DCC: variants seen among roughly 807,000 people sequenced by gnomAD.
The protein encoded by DCC is DCC netrin 1 receptor.
A neutral mutation model predicts 172.5 loss-of-function variants in DCC; 58 were observed. The observed-to-expected ratio is 0.34, with a 90% CI of 0.27 to 0.42. The LOEUF (loss-of-function observed/expected upper bound fraction) is 0.42, where lower values mean the gene tolerates loss of function less well. Among genes scored for constraint, DCC ranks in the 10% least tolerant of loss-of-function variants. The pLI is 1.00. For missense variants in DCC, 1,740 were observed against 1,791.0 expected, an observed-to-expected ratio of 0.97 and a Z score of 0.51; for synonymous variants, 709 against 644.5, an observed-to-expected ratio of 1.10 and a Z score of -1.52.
At chr18:53,021,833 A>C (rs559909552) in intron 5 of DCC, among the ~76,000 whole-genome samples, 1 of 152,322 alleles carries the variant, frequency 6.6e-6, no homozygotes, top group East Asian at 1.9e-4. Flanking sequence ...GGAAAACCTT[A>C]ATTAGTATTT....
chr18:52,522,658 C>A (rs1245744923), intron 1 of DCC, among the ~76,000 whole-genome samples: 1 of 152,112 alleles, frequency 6.6e-6, no homozygotes, highest in African/African-American at 2.4e-5. Flanking sequence ...TTTTAACCAC[C>A]CTTCAAAACA....
intron 7 of DCC, among the ~76,000 whole-genome samples, chr18:53,139,133 T>C (rs1319674476): frequency 1.3e-5 from 2 of 152,182 alleles, no homozygotes; most frequent in Admixed American, 6.5e-5. Flanking sequence ...TTTGTACAAT[T>C]ACAGTTACAC....
chr18:52,567,174 G>A (rs892780533), intron 1 of DCC, among the ~76,000 whole-genome samples: 3 of 152,020 alleles, frequency 2.0e-5, no homozygotes, highest in Non-Finnish European at 4.4e-5. Context: ...ACAGAGCTAA[G>A]TTTTAATTAT....
At chr18:52,659,072 TA>T (rs2035309917) in intron 1 of DCC, among the ~76,000 whole-genome samples, 1 of 152,164 alleles carries the variant, frequency 6.6e-6, no homozygotes, top group Non-Finnish European at 1.5e-5. Flanking sequence ...CCACTTTTGA[TA>T]AATGTTCCAT....
chr18:53,481,775 A>G (rs141412758), intron 25 of DCC, among the ~76,000 whole-genome samples: 2 of 152,224 alleles, frequency 1.3e-5, no homozygotes, highest in East Asian at 1.9e-4. Flanking sequence ...TATAGGTAGT[A>G]TTTAGTGCTA....
At chr18:52,385,975 A>C (rs922559819) in intron 1 of DCC, among the ~76,000 whole-genome samples, 1 of 152,112 alleles carries the variant, frequency 6.6e-6, no homozygotes, top group African/African-American at 2.4e-5. Flanking sequence ...TGATATATAG[A>C]TAGCACAGAT....
In DCC at chr18:52,992,195, C is replaced by T. The variant is rs563365860; in HGVS notation, c.985+66825C>T. Among the ~76,000 whole-genome samples the T allele has an allele frequency of 6.8e-4, 103 of 152,236 alleles. 1 individual carries two copies. The highest frequency in any genetic ancestry group is 2.9e-4 in the Non-Finnish European group (20 of 68,022). Reference sequence around the variant, plus strand: ...CCTTCCCCATGGGAGAAGAAGAAAGCGGTTTTGCAGATGTCCTTGAATCCC... The same window carrying T: ...CCTTCCCCATGGGAGAAGAAGAAAGTGGTTTTGCAGATGTCCTTGAATCCC... On this transcript the variant is annotated intron_variant, in intron 5 of 28. Transcript: ENST00000442544.
chr18:53,385,900 T>C (rs1029865085), intron 15 of DCC, 143 bp from the exon 16 acceptor site: 1 of 688,372 alleles, frequency 1.5e-6, no homozygotes. Context: ...ACTGCCACTT[T>C]CCTTTCTGAA....
At chr18:53,186,589 C>G (rs746329299) in intron 9 of DCC, among the ~76,000 whole-genome samples, 4 of 152,162 alleles carry the variant, frequency 2.6e-5, no homozygotes, top group Non-Finnish European at 4.4e-5. Flanking sequence ...TATTGAAGCA[C>G]TCCCTCATCT....
chr18:52,877,559 T>C (rs1237952698), intron 2 of DCC, among the ~76,000 whole-genome samples: 3 of 151,794 alleles, frequency 2.0e-5, no homozygotes, highest in Non-Finnish European at 4.4e-5. Flanking sequence ...ATACAAAAAT[T>C]AGCCAGGCAT....
chr18:52,883,033 G>C (rs1178550048), intron 2 of DCC, among the ~76,000 whole-genome samples: 2 of 151,948 alleles, frequency 1.3e-5, no homozygotes, highest in Admixed American at 6.6e-5. Flanking sequence ...TACAGTTTTG[G>C]TCTTTAAGTG....
chr18:53,083,766 C>G (rs2042838461), intron 7 of DCC, among the ~76,000 whole-genome samples: 1 of 152,092 alleles, frequency 6.6e-6, no homozygotes, highest in South Asian at 2.1e-4. Context: ...ATCAAATTTC[C>G]TTACTATGTT....
intron 7 of DCC, among the ~76,000 whole-genome samples, chr18:53,100,611 A>C (rs569956397): frequency 6.6e-6 from 1 of 151,910 alleles, no homozygotes; most frequent in South Asian, 2.1e-4. Flanking sequence ...AAAGGGACAA[A>C]GGAAGGGAGG....
chr18:52,718,349 G>C (rs1331323420), intron 1 of DCC, among the ~76,000 whole-genome samples: 1 of 152,202 alleles, frequency 6.6e-6, no homozygotes, highest in Non-Finnish European at 1.5e-5. Context: ...TTATGTCAGT[G>C]AATAGTATTT....
chr18:52,669,618 C>G (rs190283283), intron 1 of DCC, among the ~76,000 whole-genome samples: 1 of 152,170 alleles, frequency 6.6e-6, no homozygotes, highest in Non-Finnish European at 1.5e-5. Flanking sequence ...TGCTGCCCTC[C>G]ACATTGGCAA....
intron 25 of DCC, among the ~76,000 whole-genome samples, chr18:53,481,694 A>G (rs933060123): frequency 6.6e-6 from 1 of 152,204 alleles, no homozygotes; most frequent in South Asian, 2.1e-4. Context: ...TACCATGTTG[A>G]GAAATATCTA....
intron 1 of DCC, among the ~76,000 whole-genome samples, chr18:52,651,547 A>G (rs186399720): frequency 1.2e-3 from 174 of 144,426 alleles, no homozygotes; most frequent in Non-Finnish European, 1.8e-3. Context: ...ATTTTATTCT[A>G]CTTCTTAAAT....
intron 1 of DCC, among the ~76,000 whole-genome samples, chr18:52,644,270 C>A (rs960428890): frequency 6.6e-6 from 1 of 152,146 alleles, no homozygotes; most frequent in African/African-American, 2.4e-5. Flanking sequence ...GTTAAGTGGT[C>A]AAGCCCATTA....
At position 53,199,927 on chromosome 18, in the gene DCC, C is replaced by A. The variant is rs10221372; in HGVS notation, c.1574-5289C>A. ...TCAGATCATAAAATAAATTTTACAA[C>A]GAAAGAGTTGAAGTAGAAAACAATT... On this transcript the variant is annotated intron_variant, in intron 9 of 28. Transcript: ENST00000442544. Among the ~76,000 whole-genome samples the A allele has an allele frequency of 3.6e-3, 551 of 151,960 alleles. 4 individuals carry two copies. The highest frequency in any genetic ancestry group is 6.8e-3 in the Middle Eastern group (2 of 294).
Sources: gnomAD v4.1 joint callset for allele counts (sites outside exome capture counted in the v4.1 genomes callset) on GRCh38, gnomAD v4.1.1 for gene constraint, MANE v1.5 for transcripts, NCBI Gene and HGNC (gene_info 2026-07-23, HGNC 2026-07-21) for gene names.